Variants in DLG1 observed in about 807,000 individuals in gnomAD.
The protein encoded by DLG1 is discs large MAGUK scaffold protein 1.
DLG1 carries 42 observed loss-of-function variants against 123.4 expected under a neutral mutation model. The ratio of observed to expected loss-of-function variants is 0.34; its 90% confidence interval spans 0.27 to 0.44. The LOEUF (loss-of-function observed/expected upper bound fraction) is 0.44, where lower values mean the gene tolerates loss of function less well. Among genes scored for constraint, DLG1 ranks in the 20% least tolerant of loss-of-function variants. The probability of loss-of-function intolerance (pLI) is 1.00; values close to 1 mark genes in which losing one functional copy is unlikely to be tolerated. For missense variants in DLG1, 942 were observed against 1,082.6 expected (o/e 0.87, Z 1.82); for synonymous variants, 317 against 356.2 (o/e 0.89, Z 1.24).
chr3:197,221,393 G>A (rs910208215), intron 4 of DLG1, among the ~76,000 whole-genome samples: 6 of 152,016 alleles, frequency 3.9e-5, no homozygotes, highest in Admixed American at 6.5e-5. Context: ...GGTGGCGGGC[G>A]CCTGTAATCC....
intron 5 of DLG1, among the ~76,000 whole-genome samples, chr3:197,156,833 G>A (rs1384212433): frequency 6.6e-6 from 1 of 152,144 alleles, no homozygotes; most frequent in Non-Finnish European, 1.5e-5. Flanking sequence ...GAAAGAAATG[G>A]TTCTACAATA....
intron 15 of DLG1, among the ~76,000 whole-genome samples, chr3:197,088,571 T>A (rs1015093070): frequency 1.3e-5 from 2 of 152,098 alleles, no homozygotes; most frequent in African/African-American, 4.8e-5. Flanking sequence ...AGGAAACATG[T>A]GACATAGTAG....
At chr3:197,074,840 T>C (rs9824177) in intron 18 of DLG1, among the ~76,000 whole-genome samples, 43,383 of 151,978 alleles carry the variant, frequency 0.29, 7,002 homozygotes, top group African/African-American at 0.42. Flanking sequence ...CATAAAAGCA[T>C]AAATCAGAAA....
chr3:197,049,941 G>A (rs753470256), intron 24 of DLG1, among the ~76,000 whole-genome samples: 19 of 151,976 alleles, frequency 1.3e-4, no homozygotes, highest in African/African-American at 3.9e-4. Context: ...CACGCCTGTA[G>A]TCCCAGCTAC....
intron 4 of DLG1, 115 bp from the exon 5 acceptor site, chr3:197,194,704 T>G: frequency 1.6e-6 from 1 of 618,110 alleles, no homozygotes; most frequent in Non-Finnish European, 2.7e-6. Flanking sequence ...AGTATATTTA[T>G]GGTTTAATAC....
At chr3:197,252,748 A>T (rs1561699098) in intron 4 of DLG1, among the ~76,000 whole-genome samples, 2 of 152,200 alleles carry the variant, frequency 1.3e-5, no homozygotes, top group African/African-American at 4.8e-5. Context: ...TCCTCGTTTC[A>T]GTTTTACAAG....
Position 197,140,160 on chromosome 3 carries a change from G to T in DLG1, c.693C>A (p.Ala231=), listed in dbSNP as rs374424117. ...FITKIITGGA[A]AQDGRLRVND... ...CATACCGCAATCTTCCATCTTGGGC[G>T]GCTGCTCCCCCTGTGATAATTTTGG... The change falls in exon 8 of 25, where the codon GCC becomes GCA. Residue 231 remains alanine, a synonymous_variant. Coordinates refer to ENST00000667157, the MANE Select transcript of DLG1 (RefSeq NM_001366207.1). The T allele has an allele frequency of 6.2e-7, 1 of 1,613,114 alleles. No individual in the cohort carries two copies. Among genetic ancestry groups the T allele is most frequent in the African/African-American group, 1.3e-5 (1 of 74,850 alleles).
chr3:197,180,422 C>G lies in DLG1; in HGVS notation c.483+14003G>C, dbSNP rs187540280. Among the ~76,000 whole-genome samples, 257 of 152,110 alleles carry G rather than the reference C, an allele frequency of 1.7e-3. 1 individual carries two copies. The highest frequency in any genetic ancestry group is 5.8e-3 in the African/African-American group (240 of 41,498). On this transcript the variant is annotated intron_variant, in intron 5 of 24. Coordinates refer to ENST00000667157, the MANE Select transcript of DLG1 (RefSeq NM_001366207.1). ...AAGAATAGGAGGGACGCTGAGGGTG[C>G]GGAACCAAGGAGGGCTTCGCAATGC...
At chr3:197,068,607 G>T in intron 19 of DLG1, 1 of 962,040 alleles carries the variant, frequency 1.0e-6, no homozygotes, top group South Asian at 1.4e-5. Context: ...TGCTACAACT[G>T]ATATTATGTA....
intron 5 of DLG1, among the ~76,000 whole-genome samples, chr3:197,161,381 T>C (rs1051251908): frequency 1.3e-5 from 2 of 152,162 alleles, no homozygotes; most frequent in Non-Finnish European, 2.9e-5. Flanking sequence ...GATTTCTAAG[T>C]ACAAAGGCAT....
At chr3:197,060,249 C>T (rs972218937) in intron 22 of DLG1, among the ~76,000 whole-genome samples, 8 of 152,156 alleles carry the variant, frequency 5.3e-5, no homozygotes, top group African/African-American at 1.7e-4. Context: ...CTAGTTTTCA[C>T]GGATCAGTTA....
intron 22 of DLG1, among the ~76,000 whole-genome samples, chr3:197,063,904 TTTAGAGTAGTC>T (rs1211737230): frequency 6.6e-6 from 1 of 151,786 alleles, no homozygotes; most frequent in East Asian, 1.9e-4. Context: ...AGAAATTGAA[TTTAGAGTAGTC>T]TTCTTAATTT....
chr3:197,058,709 T>C (rs534179844), intron 23 of DLG1, among the ~76,000 whole-genome samples: 4 of 152,358 alleles, frequency 2.6e-5, no homozygotes, highest in Non-Finnish European at 4.4e-5. Context: ...AGATGTCAAA[T>C]AGGTAAAGTT....
At chr3:197,280,283 T>C (rs1243934458) in intron 4 of DLG1, among the ~76,000 whole-genome samples, 1 of 152,152 alleles carries the variant, frequency 6.6e-6, no homozygotes, top group Non-Finnish European at 1.5e-5. Context: ...GTTCCATCCA[T>C]GTTGCTGCAA....
At chr3:197,192,098 T>C (rs1214073125) in intron 5 of DLG1, among the ~76,000 whole-genome samples, 3 of 151,120 alleles carry the variant, frequency 2.0e-5, no homozygotes, top group Non-Finnish European at 4.4e-5. Flanking sequence ...CACTTGAGCC[T>C]AGGAGTTTGG....
At chr3:197,131,988 T>G (rs1323610171) in intron 10 of DLG1, among the ~76,000 whole-genome samples, 1 of 152,220 alleles carries the variant, frequency 6.6e-6, no homozygotes, top group African/African-American at 2.4e-5. Flanking sequence ...AGTGGTAGTT[T>G]ATGTCTTTCT....
At chr3:197,263,873 A>G (rs1475951665) in intron 4 of DLG1, among the ~76,000 whole-genome samples, 1 of 152,220 alleles carries the variant, frequency 6.6e-6, no homozygotes, top group East Asian at 1.9e-4. Context: ...GGTGACCACA[A>G]TGTTTGCTGA....
intron 10 of DLG1, among the ~76,000 whole-genome samples, chr3:197,135,816 CTTT>C (rs11456320): frequency 6.8e-6 from 1 of 147,520 alleles, no homozygotes; most frequent in African/African-American, 2.5e-5. Context: ...TATAATTAAA[CTTT>C]TTTTTTTTTT....
rs1458465114 is a variant in DLG1 at position 197,044,582 on chromosome 3, A to C, written c.*41T>G. The C allele has an allele frequency of 7.0e-7, 1 of 1,434,932 alleles. No homozygotes were observed. 88.9% of individuals were successfully genotyped at this position (1,434,932 alleles called of 1,614,324 possible). On this transcript the variant is annotated 3_prime_UTR_variant, in exon 25 of 25. Transcript: ENST00000667157. ...GGAAAGGGCAAAGAGATGCCAAAGA[A>C]AATGGAATTGTGGAAAAGAGAAACA...
Sources: allele counts gnomAD v4.1 joint callset (sites outside exome capture counted in the v4.1 genomes callset), GRCh38; gene constraint gnomAD v4.1.1; transcripts MANE v1.5; gene names NCBI Gene and HGNC (gene_info 2026-07-23, HGNC 2026-07-21).